Variants in CASR observed in about 807,000 individuals in gnomAD.
CASR encodes extracellular calcium-sensing receptor.
CASR carries 23 observed loss-of-function variants against 69.1 expected under a neutral mutation model. The observed-to-expected ratio is 0.33, with a 90% confidence interval of 0.24 to 0.47. The LOEUF (loss-of-function observed/expected upper bound fraction) is 0.47, where lower values mean the gene tolerates loss of function less well. CASR is among the 20% of genes least tolerant of loss of function. The pLI, the probability that CASR is intolerant of heterozygous loss-of-function variation, is 1.00. For missense variants in CASR, 924 were observed against 1,356.1 expected, an observed-to-expected ratio of 0.68 and a Z score of 5.00; for synonymous variants, 541 against 544.7, an observed-to-expected ratio of 0.99 and a Z score of 0.10.
chr3:122,213,701 C>T (rs1263174071), intron 1 of CASR, among the ~76,000 whole-genome samples: 2 of 152,154 alleles, frequency 1.3e-5, no homozygotes, highest in Admixed American at 6.5e-5. Context: ...AATCCAGACT[C>T]TTCTATAGTT....
chr3:122,284,616 A>T lies in CASR; in HGVS notation c.2662A>T (p.Thr888Ser). ...AHAFKVAARA[T>S]LRRSNVSRKR... ...CGCTTTCAAGGTGGCTGCCCGGGCC[A>T]CGCTGCGCCGCAGCAACGTCTCCCG... is the stretch of plus-strand genomic sequence containing the variant. The change falls in exon 7 of 7, where the codon ACG (threonine) becomes TCG (serine). Residue 888 changes from threonine (T) to serine (S), a missense_variant. This residue lies in a region of CASR where 42 missense variants were observed against 73.2 expected (regional missense o/e 0.57). Transcript: ENST00000639785. The T allele has an allele frequency of 1.2e-6, 2 of 1,614,098 alleles. No individual in the cohort carries two copies. The highest frequency in any genetic ancestry group is 1.7e-6 in the Non-Finnish European group (2 of 1,179,996).
intron 5 of CASR, among the ~76,000 whole-genome samples, chr3:122,278,737 G>A (rs962121493): frequency 6.6e-6 from 1 of 152,196 alleles, no homozygotes; most frequent in Non-Finnish European, 1.5e-5. Flanking sequence ...ATAAAGCAGA[G>A]TTTGGTGTAG....
chr3:122,229,839 G>A (rs34049878), intron 1 of CASR, among the ~76,000 whole-genome samples: 17,966 of 152,182 alleles, frequency 0.12, 1,103 homozygotes, highest in Middle Eastern at 0.17. Context: ...TCTAGCCTGG[G>A]TGGGCAACAG....
intron 1 of CASR, among the ~76,000 whole-genome samples, chr3:122,193,195 T>TTG (rs2073855471): frequency 6.8e-6 from 1 of 146,388 alleles, no homozygotes; most frequent in African/African-American, 2.5e-5. Context: ...TCTGGTTTTT[T>TTG]TTTTGTTTGT....
intron 4 of CASR, among the ~76,000 whole-genome samples, chr3:122,274,025 T>G (rs779197616): frequency 2.0e-5 from 3 of 152,000 alleles, no homozygotes; most frequent in Non-Finnish European, 4.4e-5. Context: ...AAGGCAAACA[T>G]AAGGTTGTCA....
intron 1 of CASR, among the ~76,000 whole-genome samples, chr3:122,217,966 T>C (rs1185923587): frequency 6.6e-6 from 1 of 151,400 alleles, no homozygotes; most frequent in African/African-American, 2.4e-5. Context: ...AGGTTGGGGG[T>C]TGTAGGAGAC....
At chr3:122,254,966 C>A (rs769512926) in intron 2 of CASR, among the ~76,000 whole-genome samples, 1 of 151,376 alleles carries the variant, frequency 6.6e-6, no homozygotes, top group Non-Finnish European at 1.5e-5. Flanking sequence ...CTCCCCACCC[C>A]CCATCCACCC....
At chr3:122,277,163 C>T (rs2107644668) in intron 5 of CASR, among the ~76,000 whole-genome samples, 1 of 151,776 alleles carries the variant, frequency 6.6e-6, no homozygotes, top group South Asian at 2.1e-4. Flanking sequence ...ATTCTCCCAC[C>T]TCACCCTCCC....
chr3:122,189,001 G>C (rs922949439), intron 1 of CASR, among the ~76,000 whole-genome samples: 10 of 152,216 alleles, frequency 6.6e-5, no homozygotes, highest in African/African-American at 1.9e-4. Context: ...ACCAAAGGTG[G>C]ATACTAGGAA....
At chr3:122,198,258 C>T (rs541357396) in intron 1 of CASR, among the ~76,000 whole-genome samples, 1 of 152,232 alleles carries the variant, frequency 6.6e-6, no homozygotes, top group East Asian at 1.9e-4. Flanking sequence ...GATGATCAGA[C>T]AAATGTTAAA....
intron 1 of CASR, among the ~76,000 whole-genome samples, chr3:122,201,868 G>T (rs561035087): frequency 1.3e-5 from 2 of 151,696 alleles, no homozygotes; most frequent in Non-Finnish European, 2.9e-5. Flanking sequence ...GATGGCGGCC[G>T]GGAAGAGGCG....
chr3:122,274,894 A>C (rs2074797897), intron 4 of CASR, among the ~76,000 whole-genome samples: 1 of 152,180 alleles, frequency 6.6e-6, no homozygotes, highest in African/African-American at 2.4e-5. Context: ...TAAGTGGCTG[A>C]GTGCCCACTG....
chr3:122,211,098 T>C (rs867321841), intron 1 of CASR, among the ~76,000 whole-genome samples: 33 of 152,284 alleles, frequency 2.2e-4, no homozygotes, highest in South Asian at 8.3e-4. Flanking sequence ...CAAGATGAAT[T>C]AAATACTTAA....
At chr3:122,240,170 G>C (rs1230283979) in intron 1 of CASR, among the ~76,000 whole-genome samples, 1 of 152,188 alleles carries the variant, frequency 6.6e-6, no homozygotes, top group Non-Finnish European at 1.5e-5. Flanking sequence ...ATACAACAGA[G>C]TTCCAATATG....
At position 122,290,030 on chromosome 3, in the gene CASR, C is replaced by T. The variant is rs574942390; in HGVS notation, c.*4839C>T. ...CCCAGGAGGTGAAGGCTGCATTGAG[C>T]TGTGATTGCACCACTGCACTCCAGC... On this transcript the variant is annotated 3_prime_UTR_variant, in exon 7 of 7. Coordinates refer to ENST00000639785, the MANE Select transcript of CASR (RefSeq NM_000388.4). 8 of 149,434 alleles carry T rather than the reference C, an allele frequency of 5.4e-5. No homozygotes were observed. The highest frequency in any genetic ancestry group is 1.2e-4 in the Non-Finnish European group (8 of 67,798). The allele number at this position is 149,434 out of a possible 1,614,324, so 9.3% of individuals were successfully genotyped here. A position where few individuals can be genotyped will look rare whatever the true frequency, so the allele number is the denominator to read the frequency against.
intron 1 of CASR, among the ~76,000 whole-genome samples, chr3:122,191,512 A>G (rs987817479): frequency 1.3e-5 from 2 of 151,468 alleles, no homozygotes; most frequent in African/African-American, 4.9e-5. Flanking sequence ...GAGTTTTACC[A>G]TGTTGCCCAG....
intron 1 of CASR, among the ~76,000 whole-genome samples, chr3:122,223,412 TA>T (rs1433685754): frequency 1.3e-5 from 2 of 152,128 alleles, no homozygotes; most frequent in African/African-American, 4.8e-5. Context: ...TAGCGAATAT[TA>T]TCAAAACCTC....
At chr3:122,211,213 G>A (rs2074061790) in intron 1 of CASR, among the ~76,000 whole-genome samples, 1 of 140,550 alleles carries the variant, frequency 7.1e-6, no homozygotes, top group Non-Finnish European at 1.6e-5. Context: ...AAAAGCAATT[G>A]CAACACAAGC....
intron 1 of CASR, among the ~76,000 whole-genome samples, chr3:122,226,862 A>T (rs1362749240): frequency 6.6e-6 from 1 of 152,192 alleles, no homozygotes; most frequent in African/African-American, 2.4e-5. Flanking sequence ...TGAGCTAGAC[A>T]CAGGGTGCTG....
Sources: allele counts gnomAD v4.1 joint callset (sites outside exome capture counted in the v4.1 genomes callset), GRCh38; gene constraint gnomAD v4.1.1; regional missense constraint gnomAD v4.1.1; transcripts MANE v1.5; gene names NCBI Gene and HGNC (gene_info 2026-07-23, HGNC 2026-07-21).